The following IL2RA variants were observed in gnomAD, a reference collection of about 807,000 sequenced individuals.
IL2RA encodes the protein interleukin 2 receptor subunit alpha.
Under a neutral mutation model 37.8 loss-of-function variants are expected in IL2RA, and 24 were observed. The ratio of observed to expected loss-of-function variants is 0.63; its 90% CI spans 0.46 to 0.89. The LOEUF is 0.89. Among genes scored for constraint, IL2RA ranks in the 40% least tolerant of loss-of-function variants. The probability of loss-of-function intolerance (pLI) is 0.00; values close to 1 mark genes in which losing one functional copy is unlikely to be tolerated. For missense variants in IL2RA, 319 were observed against 348.6 expected (o/e 0.92, Z 0.68); for synonymous variants, 125 against 114.6 (o/e 1.09, Z -0.58).
At chr10:6,053,801 T>C (rs1840002245) in intron 1 of IL2RA, among the ~76,000 whole-genome samples, 1 of 152,238 alleles carries the variant, frequency 6.6e-6, no homozygotes. Flanking sequence ...GGCTGCAGCT[T>C]CCTTTTTATT....
Position 6,044,161 on chromosome 10 carries a change from T to C in IL2RA, c.64+17927A>G, listed in dbSNP as rs895182081. 6.6e-6 allele frequency among the ~76,000 whole-genome samples: 1 copy of C among 152,222 alleles called. No individual in the cohort carries two copies. Among genetic ancestry groups the C allele is most frequent in the African/African-American group, 2.4e-5 (1 of 41,444 alleles). On this transcript the variant is annotated intron_variant, in intron 1 of 7. Coordinates refer to ENST00000379959, the MANE Select transcript of IL2RA (RefSeq NM_000417.3). The surrounding 1 kb of genome is among the most constrained non-coding windows in gnomAD (Gnocchi z 4.5). The stretch of plus-strand genomic sequence containing the variant: ...AATGATTAAGCCTAGAGCATCTTCC[T>C]AGAGAAGGTGGTAGTGATGCAGGAC...
intron 1 of IL2RA, among the ~76,000 whole-genome samples, chr10:6,034,270 C>A (rs1287534198): frequency 1.3e-5 from 2 of 152,188 alleles, no homozygotes; most frequent in Non-Finnish European, 2.9e-5. Flanking sequence ...GATCTTGACA[C>A]CTCCAGGTCT....
In IL2RA at chr10:6,056,158, TG is replaced by T. The variant is rs936636744; in HGVS notation, c.64+5929del. Among the ~76,000 whole-genome samples, 4 of 152,280 alleles carry T rather than the reference TG, an allele frequency of 2.6e-5. No individual in the cohort carries two copies. The South Asian group carries it at 8.3e-4, about 32-fold the overall frequency. On this transcript the variant is annotated intron_variant, in intron 1 of 7. Coordinates refer to ENST00000379959, the MANE Select transcript of IL2RA (RefSeq NM_000417.3). This position sits in a 1 kb window ranked among gnomAD's most constrained non-coding sequence, Gnocchi z 5.0. ...CTTGAGAATATGGTGGGGTATTCAG[TG>T]GGGGCTATTGGCAAACACTGTTGGC...
chr10:6,031,478 A>ATATATG (rs1839582746), intron 1 of IL2RA, among the ~76,000 whole-genome samples: 2 of 28,056 alleles, frequency 7.1e-5, no homozygotes, highest in Non-Finnish European at 1.3e-4. Context: ...ATATATATAT[A>ATATATG]TATATATATA....
rs868375091 is a variant in IL2RA, at chr10:6,014,592, C to T, written c.795-1696G>A. 3.8e-4 allele frequency among the ~76,000 whole-genome samples: 58 copies of T among 152,140 alleles called. No individual in the cohort carries two copies. Among genetic ancestry groups the T allele is most frequent in the African/African-American group, 1.4e-3 (57 of 41,408 alleles). On this transcript the variant is annotated intron_variant, in intron 7 of 7. Coordinates refer to ENST00000379959, the MANE Select transcript of IL2RA (RefSeq NM_000417.3). This position sits in a 1 kb window ranked among gnomAD's most constrained non-coding sequence, Gnocchi z 4.4. ...AACTAACAAATGAAAAAAATCCTTG[C>T]AAGGTGTTAAGGCTTGTCAGGTGTT...
chr10:6,031,522 G>GTATATATATATATATATGTATA (rs57251959), intron 1 of IL2RA, among the ~76,000 whole-genome samples: 1 of 67,106 alleles, frequency 1.5e-5, no homozygotes, highest in African/African-American at 5.1e-5. Flanking sequence ...GTATATATAT[G>GTATATATATATATATATGTATA]TATATATATA....
At chr10:6,039,351 CA>C (rs1423669023) in intron 1 of IL2RA, 2 of 152,170 alleles carry the variant, frequency 1.3e-5, no homozygotes, top group Non-Finnish European at 2.9e-5. Flanking sequence ...AACATAACTT[CA>C]AAATACACAA....
intron 1 of IL2RA, among the ~76,000 whole-genome samples, chr10:6,038,280 A>G (rs978324177): frequency 1.3e-5 from 2 of 152,224 alleles, no homozygotes; most frequent in Non-Finnish European, 2.9e-5. Context: ...AGGTGGAGCT[A>G]TGTCTAAACT....
chr10:6,014,588 C>A lies in IL2RA; in HGVS notation c.795-1692G>T, dbSNP rs1839247027. Among the ~76,000 whole-genome samples, 1 of 152,160 alleles carries A rather than the reference C, an allele frequency of 6.6e-6. No individual in the cohort carries two copies. Among genetic ancestry groups the A allele is most frequent in the South Asian group, 2.1e-4 (1 of 4,830 alleles). On this transcript the variant is annotated intron_variant, in intron 7 of 7. Coordinates refer to ENST00000379959, the MANE Select transcript of IL2RA (RefSeq NM_000417.3). The surrounding 1 kb of genome is among the most constrained non-coding windows in gnomAD (Gnocchi z 4.4). ...TTCAAACTAACAAATGAAAAAAATC[C>A]TTGCAAGGTGTTAAGGCTTGTCAGG...
intron 3 of IL2RA, among the ~76,000 whole-genome samples, chr10:6,023,554 T>C (rs1025373027): frequency 1.3e-5 from 2 of 152,232 alleles, no homozygotes; most frequent in South Asian, 4.1e-4. Context: ...CAGGCTGGTC[T>C]CGAACTCCTG....
intron 1 of IL2RA, among the ~76,000 whole-genome samples, chr10:6,043,245 A>G (rs1487497089): frequency 6.6e-6 from 1 of 152,258 alleles, no homozygotes; most frequent in East Asian, 1.9e-4. Context: ...GAGTGAAAAA[A>G]GCAAAGTTGC....
intron 7 of IL2RA, 55 bp downstream of exon 7, chr10:6,017,998 G>T: frequency 1.4e-6 from 2 of 1,443,858 alleles, no homozygotes; most frequent in South Asian, 1.2e-5. Flanking sequence ...GCAGGGTGGG[G>T]CTGGGTACAG....
rs570699500 is a variant in IL2RA, at chr10:6,015,094, T to C, written c.795-2198A>G. 4.0e-5 allele frequency among the ~76,000 whole-genome samples: 6 copies of C among 151,874 alleles called. No individual in the cohort carries two copies. In the East Asian group the frequency reaches 1.2e-3, roughly 29 times the overall value. On this transcript the variant is annotated intron_variant, in intron 7 of 7. Transcript: ENST00000379959. The surrounding 1 kb of genome is among the most constrained non-coding windows in gnomAD (Gnocchi z 4.9). Reference sequence around the variant, plus strand: ...TCTTTTTCTTTCTTTTCTTTTTTCTTTCTTTCTTTTTTTTTTTAAACAGAG... The same window carrying C: ...TCTTTTTCTTTCTTTTCTTTTTTCTCTCTTTCTTTTTTTTTTTAAACAGAG...
chr10:6,049,032 T>G (rs1159160499), intron 1 of IL2RA, among the ~76,000 whole-genome samples: 1 of 152,224 alleles, frequency 6.6e-6, no homozygotes, highest in Non-Finnish European at 1.5e-5. Flanking sequence ...CAATAGGATG[T>G]ATGTAGATAA....
rs1432436751 is a variant in IL2RA, at chr10:6,020,780, G to A, written c.583+698C>T. 6.6e-6 allele frequency among the ~76,000 whole-genome samples: 1 copy of A among 152,110 alleles called. No individual in the cohort carries two copies. The highest frequency in any genetic ancestry group is 1.9e-4 in the East Asian group (1 of 5,180). ...ACTCCTGACCTAAAGTGATCTGCCC[G>A]CCTTGGCCTCCCAGAGTGCTGGGAT... On this transcript the variant is annotated intron_variant, in intron 4 of 7. Transcript: ENST00000379959. This position sits in a 1 kb window ranked among gnomAD's most constrained non-coding sequence, Gnocchi z 5.6.
intron 1 of IL2RA, among the ~76,000 whole-genome samples, chr10:6,039,249 G>T (rs2132878526): frequency 6.6e-6 from 1 of 152,320 alleles, no homozygotes; most frequent in Admixed American, 6.5e-5. Flanking sequence ...ACATAAAAAT[G>T]CTATATGTGT....
At chr10:6,049,034 T>A (rs931025898) in intron 1 of IL2RA, among the ~76,000 whole-genome samples, 1 of 152,222 alleles carries the variant, frequency 6.6e-6, no homozygotes, top group East Asian at 1.9e-4. Flanking sequence ...ATAGGATGTA[T>A]GTAGATAAAT....
In IL2RA at chr10:6,047,518, C is replaced by T. The variant is rs1032703479; in HGVS notation, c.64+14570G>A. ...AGCTGAGACGCAACACACTGCATGC[C>T]GAACACACAGGAGAGCTCACACGCA... On this transcript the variant is annotated intron_variant, in intron 1 of 7. Coordinates refer to ENST00000379959, the MANE Select transcript of IL2RA (RefSeq NM_000417.3). The surrounding 1 kb of genome is among the most constrained non-coding windows in gnomAD (Gnocchi z 5.0). Among the ~76,000 whole-genome samples the T allele has an allele frequency of 1.2e-4, 19 of 152,210 alleles. No homozygotes were observed. Among genetic ancestry groups the T allele is most frequent in the Admixed American group, 7.2e-4 (11 of 15,300 alleles).
At chr10:6,040,397 A>G (rs1375388577) in intron 1 of IL2RA, among the ~76,000 whole-genome samples, 1 of 152,194 alleles carries the variant, frequency 6.6e-6, no homozygotes, top group East Asian at 1.9e-4. Flanking sequence ...ACGGATTTCA[A>G]TCTACTGAAG....
Sources: allele counts gnomAD v4.1 joint callset (sites outside exome capture counted in the v4.1 genomes callset), GRCh38; gene constraint gnomAD v4.1.1; non-coding constraint Gnocchi (gnomAD v3.1); transcripts MANE v1.5; gene names NCBI Gene and HGNC (gene_info 2026-07-23, HGNC 2026-07-21).